GCNT1: variants seen among roughly 807,000 people sequenced by gnomAD.
The protein encoded by GCNT1 is glucosaminyl (N-acetyl) transferase 1.
Under a neutral mutation model 26.2 loss-of-function variants are expected in GCNT1, and 16 were observed. The observed-to-expected ratio is 0.61, with a 90% CI of 0.41 to 0.93. The LOEUF (loss-of-function observed/expected upper bound fraction) is 0.93, where lower values mean the gene tolerates loss of function less well. Ranked by LOEUF, GCNT1 falls within the 40% of genes least tolerant of loss-of-function variation. The probability of loss-of-function intolerance (pLI) is 0.00; values close to 1 mark genes in which losing one functional copy is unlikely to be tolerated. For synonymous variants in GCNT1, 183 were observed against 190.8 expected (o/e 0.96, Z 0.34); for missense variants, 477 against 526.7 (o/e 0.91, Z 0.92).
chr9:76,411,834 T>C, the GCNT1 span, among the ~76,000 whole-genome samples: 1 of 151,742 alleles, frequency 6.6e-6, no homozygotes, highest in African/African-American at 2.4e-5. Context: ...CCTGAGTAGC[T>C]GGGACTACAG....
At chr9:76,443,898 AAAGG>A (rs199972091) in intron 1 of GCNT1, among the ~76,000 whole-genome samples, 3,732 of 48,642 alleles carry the variant, frequency 0.077, 65 homozygotes, top group African/African-American at 0.09. Flanking sequence ...AGAAAGAAAG[AAAGG>A]AAGAAAGGAA....
upstream of GCNT1, among the ~76,000 whole-genome samples, chr9:76,416,005 C>G (rs958539128): frequency 2.0e-5 from 3 of 152,158 alleles, no homozygotes; most frequent in African/African-American, 7.2e-5. Flanking sequence ...GGGCAGTTCC[C>G]TGGCAAAGGC....
At chr9:76,477,151 G>A (rs1564237816) in intron 2 of GCNT1, among the ~76,000 whole-genome samples, 1 of 151,550 alleles carries the variant, frequency 6.6e-6, no homozygotes, top group Non-Finnish European at 1.5e-5. Flanking sequence ...CTTGCCTCAT[G>A]TGATCTGCCT....
upstream of GCNT1, among the ~76,000 whole-genome samples, chr9:76,440,122 A>T (rs1176087941): frequency 1.3e-5 from 2 of 151,934 alleles, no homozygotes; most frequent in Non-Finnish European, 2.9e-5. Context: ...AAAAAAAAGA[A>T]AAAATGAATA....
At chr9:76,426,197 T>G (rs4281169) in intron 1 of GCNT1, among the ~76,000 whole-genome samples, 35 of 152,048 alleles carry the variant, frequency 2.3e-4, no homozygotes, top group Non-Finnish European at 2.5e-4. Flanking sequence ...TAGTTCGTCC[T>G]GCGCTCAGGA....
intron 1 of GCNT1, among the ~76,000 whole-genome samples, chr9:76,430,236 C>T (rs564695187): frequency 6.6e-6 from 1 of 152,168 alleles, no homozygotes; most frequent in Non-Finnish European, 1.5e-5. Context: ...TATTTCCCTA[C>T]ATTCTTGACA....
chr9:76,443,876 G>GAAAA (rs367635122), intron 1 of GCNT1, among the ~76,000 whole-genome samples: 3 of 54,372 alleles, frequency 5.5e-5, no homozygotes, highest in African/African-American at 2.2e-4. Flanking sequence ...TCTAAAAAAA[G>GAAAA]GAAAGAAAGA....
At chr9:76,398,649 A>G in the GCNT1 span, 1 of 982,716 alleles carries the variant, frequency 1.0e-6, no homozygotes, top group Non-Finnish European at 1.6e-6. Flanking sequence ...AGAGGGGCCC[A>G]TACGGCGTTG....
At chr9:76,429,010 T>G (rs2131575790) in intron 1 of GCNT1, among the ~76,000 whole-genome samples, 1 of 152,300 alleles carries the variant, frequency 6.6e-6, no homozygotes, top group East Asian at 1.9e-4. Context: ...TCTTTTTTTA[T>G]TATTATAGCT....
At chr9:76,397,255 C>G in the GCNT1 span, among the ~76,000 whole-genome samples, 3 of 151,870 alleles carry the variant, frequency 2.0e-5, no homozygotes, top group East Asian at 5.8e-4. Context: ...GTACTCCAGC[C>G]TGAGTGACAG....
chr9:76,433,873 T>G (rs1181056031), intron 1 of GCNT1, among the ~76,000 whole-genome samples: 4 of 152,220 alleles, frequency 2.6e-5, no homozygotes, highest in African/African-American at 7.2e-5. Context: ...GCCCTCAGTT[T>G]GTTGTCCTTC....
the GCNT1 span, among the ~76,000 whole-genome samples, chr9:76,395,359 C>G: frequency 6.7e-6 from 1 of 150,102 alleles, no homozygotes; most frequent in Non-Finnish European, 1.5e-5. Context: ...GTATAAAATT[C>G]TGTGCAGACC....
the GCNT1 span, among the ~76,000 whole-genome samples, chr9:76,413,653 G>GTTTTTTTTTTTTTGTTTTTT: frequency 1.3e-4 from 16 of 118,664 alleles, no homozygotes; most frequent in Non-Finnish European, 2.3e-4. Flanking sequence ...GTTTTGTTTT[G>GTTTTTTTTTTTTTGTTTTTT]TTTTTTTTTT....
rs542788262 is a variant in GCNT1 at position 76,428,716 on chromosome 9, T to C, written n.38+8829T>C. On this transcript the variant is annotated intron_variant and non_coding_transcript_variant, in intron 1 of 3. Transcript: ENST00000488136. ...CGTATTCTATTTTTTTTTTTTTTTT[T>C]TGAGACAGAGTTTCGCTCTTGTTGC... Among the ~76,000 whole-genome samples the C allele has an allele frequency of 1.1e-3, 164 of 151,500 alleles. 1 individual carries two copies. The highest frequency in any genetic ancestry group is 3.9e-3 in the African/African-American group (162 of 41,306).
At chr9:76,394,028 T>G in the GCNT1 span, 1 of 1,492,068 alleles carries the variant, frequency 6.7e-7, no homozygotes, top group South Asian at 1.2e-5. Context: ...AGTCCCCGGC[T>G]GCCGTCTCTC....
the GCNT1 span, among the ~76,000 whole-genome samples, chr9:76,408,232 T>G: frequency 6.6e-6 from 1 of 152,234 alleles, no homozygotes; most frequent in African/African-American, 2.4e-5. Flanking sequence ...CTTCTAATTT[T>G]TCATCATTAG....
In GCNT1 at chr9:76,505,798, C is replaced by G. The variant is rs575957777; in HGVS notation, c.*2130C>G. The G allele has an allele frequency of 1.8e-5, 3 of 166,390 alleles. No homozygotes were observed. The highest frequency in any genetic ancestry group is 4.8e-5 in the African/African-American group (2 of 41,438). 10.3% of individuals were successfully genotyped at this position (166,390 alleles called of 1,614,324 possible). ...TTAGCACATTTATTATGTGTGACTGCATCTGATTTATATTTAAATTGGCAG... is the reference window on the plus strand; with the variant it reads ...TTAGCACATTTATTATGTGTGACTGGATCTGATTTATATTTAAATTGGCAG... On this transcript the variant is annotated 3_prime_UTR_variant, in exon 4 of 4. Coordinates refer to ENST00000376730, the MANE Select transcript of GCNT1 (RefSeq NM_001490.5).
upstream of GCNT1, among the ~76,000 whole-genome samples, chr9:76,455,543 G>A (rs111477971): frequency 1.3e-5 from 2 of 152,244 alleles, no homozygotes; most frequent in African/African-American, 4.8e-5. Flanking sequence ...CTGGTCTCCA[G>A]TAACACAAAG....
chr9:76,438,391 T>C (rs1377597719), upstream of GCNT1, among the ~76,000 whole-genome samples: 3 of 152,198 alleles, frequency 2.0e-5, no homozygotes, highest in African/African-American at 7.2e-5. Context: ...TAAGGTGTTG[T>C]GGAGACTAAG....
Sources: allele counts gnomAD v4.1 joint callset (sites outside exome capture counted in the v4.1 genomes callset), GRCh38; gene constraint gnomAD v4.1.1; transcripts MANE v1.5; gene names NCBI Gene and HGNC (gene_info 2026-07-23, HGNC 2026-07-21).